The following ZFAT variants were observed in gnomAD, a reference collection of about 807,000 sequenced individuals.
ZFAT encodes the protein zinc finger protein ZFAT.
ZFAT carries 64 observed loss-of-function variants against 117.7 expected under a neutral mutation model. That is an observed-to-expected ratio of 0.54 (90% confidence interval 0.44 to 0.67). The LOEUF is 0.67. Ranked by LOEUF, ZFAT falls within the 30% of genes least tolerant of loss-of-function variation. ZFAT has a pLI of 0.00. For synonymous variants in ZFAT, 679 were observed against 615.0 expected, an observed-to-expected ratio of 1.10 and a Z score of -1.54; for missense variants, 1,433 against 1,584.5, an observed-to-expected ratio of 0.90 and a Z score of 1.62.
intron 2 of ZFAT, among the ~76,000 whole-genome samples, chr8:134,640,682 C>G (rs1043223381): frequency 6.6e-6 from 1 of 152,160 alleles, no homozygotes; most frequent in Non-Finnish European, 1.5e-5. Flanking sequence ...GGCCTGAAAG[C>G]TTTGGAAAAC....
intron 2 of ZFAT, among the ~76,000 whole-genome samples, chr8:134,652,171 A>G (rs1831284003): frequency 6.6e-6 from 1 of 152,214 alleles, no homozygotes; most frequent in South Asian, 2.1e-4. Context: ...TATAAAAATT[A>G]GCCAGAAATG....
the ZFAT span, among the ~76,000 whole-genome samples, chr8:134,782,218 T>A: frequency 6.6e-6 from 1 of 152,380 alleles, no homozygotes; most frequent in African/African-American, 2.4e-5. Flanking sequence ...TTTCTCTTTC[T>A]TGTTACTCAT....
chr8:134,513,214 T>C (rs75506143), intron 13 of ZFAT, among the ~76,000 whole-genome samples: 1 of 151,334 alleles, frequency 6.6e-6, no homozygotes, highest in Non-Finnish European at 1.5e-5. Flanking sequence ...TTTTTTTTTT[T>C]TGAGACAGAG....
intron 11 of ZFAT, among the ~76,000 whole-genome samples, chr8:134,562,096 G>A (rs1824094523): frequency 6.6e-6 from 1 of 152,170 alleles, no homozygotes; most frequent in Non-Finnish European, 1.5e-5. Flanking sequence ...AGGTAGAAGA[G>A]GAGGCAGAAG....
chr8:134,574,582 G>T (rs1825169876), intron 10 of ZFAT, among the ~76,000 whole-genome samples: 1 of 151,928 alleles, frequency 6.6e-6, no homozygotes, highest in African/African-American at 2.4e-5. Context: ...TTCAGCTTTT[G>T]GCATTTGGAT....
chr8:134,604,099 CT>C (rs1198660768), intron 5 of ZFAT, among the ~76,000 whole-genome samples: 7 of 152,340 alleles, frequency 4.6e-5, no homozygotes, highest in Non-Finnish European at 7.3e-5. Flanking sequence ...AATTCTGTCT[CT>C]TTCACTAATG....
intron 8 of ZFAT, among the ~76,000 whole-genome samples, chr8:134,589,406 C>G (rs1448812121): frequency 6.6e-6 from 1 of 152,196 alleles, no homozygotes; most frequent in East Asian, 1.9e-4. Context: ...AGTCAGTTCC[C>G]TTATACCAAG....
chr8:134,565,100 T>A (rs940350783), intron 11 of ZFAT: 8 of 1,496,850 alleles, frequency 5.3e-6, no homozygotes, highest in African/African-American at 1.4e-5. Flanking sequence ...TCTGTCTGCA[T>A]CCTCTTACAC....
intron 11 of ZFAT, among the ~76,000 whole-genome samples, chr8:134,544,446 A>T (rs1563830249): frequency 6.7e-6 from 1 of 149,080 alleles, no homozygotes; most frequent in African/African-American, 2.5e-5. Context: ...TCTGGTTGAA[A>T]TTTTTTTTTA....
intron 1 of ZFAT, among the ~76,000 whole-genome samples, chr8:134,666,788 T>C (rs1832246635): frequency 2.0e-5 from 3 of 152,236 alleles, no homozygotes; most frequent in Middle Eastern, 3.4e-3. Flanking sequence ...AGATTAACAT[T>C]TGTGATATGA....
chr8:134,590,857 T>C (rs192458795), intron 7 of ZFAT, among the ~76,000 whole-genome samples: 32 of 152,122 alleles, frequency 2.1e-4, no homozygotes, highest in African/African-American at 7.5e-4. Flanking sequence ...AACACTAGCA[T>C]TCTCATCAGC....
At chr8:134,743,476 G>A in the ZFAT span, among the ~76,000 whole-genome samples, 54,040 of 151,750 alleles carry the variant, frequency 0.36, 9,737 homozygotes, top group Admixed American at 0.43. Flanking sequence ...GCGACAGAGT[G>A]AGACTCCATC....
At chr8:134,621,572 T>C (rs1829109476) in intron 3 of ZFAT, among the ~76,000 whole-genome samples, 1 of 152,192 alleles carries the variant, frequency 6.6e-6, no homozygotes, top group African/African-American at 2.4e-5. Context: ...TTTTACATCA[T>C]GCAGCACCAC....
intron 1 of ZFAT, among the ~76,000 whole-genome samples, chr8:134,712,090 G>A (rs1167844520): frequency 6.6e-6 from 1 of 152,228 alleles, no homozygotes; most frequent in East Asian, 1.9e-4. Flanking sequence ...CATGAGCCAA[G>A]CCCTATTCTA....
upstream of ZFAT, among the ~76,000 whole-genome samples, chr8:134,715,444 G>A (rs72721921): frequency 0.13 from 20,434 of 152,230 alleles, 1,463 homozygotes; most frequent in Non-Finnish European, 0.16. Context: ...AAATGACTAA[G>A]AGATGGCCCC....
intron 1 of ZFAT, 82 bp downstream of exon 1, chr8:134,712,763 C>T (rs1456281158): frequency 1.2e-5 from 17 of 1,392,988 alleles, no homozygotes; most frequent in Non-Finnish European, 1.5e-5. Context: ...TGCTTCCCGA[C>T]TCGACGCTCG....
chr8:134,597,471 T>C (rs1003117443), intron 7 of ZFAT: 7 of 152,298 alleles, frequency 4.6e-5, no homozygotes, highest in Non-Finnish European at 1.5e-5. Context: ...AATCTACTCA[T>C]AACCTCAGAA....
chr8:134,655,880 C>T (rs1831571162), intron 2 of ZFAT, among the ~76,000 whole-genome samples: 1 of 151,302 alleles, frequency 6.6e-6, no homozygotes, highest in African/African-American at 2.4e-5. Flanking sequence ...CAGATGAAAC[C>T]CTGTCTCTAC....
At chr8:134,784,107 C>A in the ZFAT span, 3 of 152,200 alleles carry the variant, frequency 2.0e-5, no homozygotes, top group Non-Finnish European at 4.4e-5. Flanking sequence ...AGGGGCTTAG[C>A]GCTGTGATCT....
Sources: gnomAD v4.1 joint callset for allele counts (sites outside exome capture counted in the v4.1 genomes callset) on GRCh38, gnomAD v4.1.1 for gene constraint, MANE v1.5 for transcripts, NCBI Gene and HGNC (gene_info 2026-07-23, HGNC 2026-07-21) for gene names.